The following CDH23 variants were observed in gnomAD, a reference collection of about 807,000 sequenced individuals.
CDH23 encodes cadherin-23.
Under a neutral mutation model 317.1 loss-of-function variants are expected in CDH23, and 189 were observed. The ratio of observed to expected loss-of-function variants is 0.60; its 90% CI spans 0.53 to 0.67. CDH23 has a LOEUF of 0.67. Among genes scored for constraint, CDH23 ranks in the 30% least tolerant of loss-of-function variants. CDH23 has a pLI of 0.00. For synonymous variants in CDH23, 1,839 were observed against 1,876.8 expected (o/e 0.98, Z 0.52); for missense variants, 4,401 against 4,592.4 (o/e 0.96, Z 1.20).
At chr10:71,660,682 C>A (rs149535876) in intron 14 of CDH23, among the ~76,000 whole-genome samples, 14 of 150,790 alleles carry the variant, frequency 9.3e-5, no homozygotes, top group African/African-American at 3.5e-4. Context: ...AGCCAGGTAG[C>A]ATTGTGTCCA....
chr10:71,634,234 G>A (rs1162763269), intron 11 of CDH23, among the ~76,000 whole-genome samples: 1 of 152,212 alleles, frequency 6.6e-6, no homozygotes, highest in Non-Finnish European at 1.5e-5. Context: ...TGCCCCTCAG[G>A]CCCTGTGATT....
At chr10:71,695,352 C>G in intron 21 of CDH23, 66 bp from the exon 22 acceptor site, 7 of 1,159,222 alleles carry the variant, frequency 6.0e-6, no homozygotes, top group Non-Finnish European at 7.8e-6. Flanking sequence ...CACTTTTCCC[C>G]TGGCAGGCCC....
intron 50 of CDH23, 135 bp downstream of exon 50, chr10:71,798,713 G>C: frequency 1.4e-6 from 1 of 722,838 alleles, no homozygotes; most frequent in Non-Finnish European, 2.2e-6. Flanking sequence ...TTCCATGCCA[G>C]ATTCCAGATG....
intron 3 of CDH23, among the ~76,000 whole-genome samples, chr10:71,465,925 T>C (rs912344759): frequency 6.6e-6 from 1 of 151,820 alleles, no homozygotes; most frequent in Non-Finnish European, 1.5e-5. Flanking sequence ...GTCATAATTT[T>C]TCTCCGGAGG....
At chr10:71,796,617 A>G (rs1469602823) in intron 48 of CDH23, among the ~76,000 whole-genome samples, 1 of 152,166 alleles carries the variant, frequency 6.6e-6, no homozygotes, top group Non-Finnish European at 1.5e-5. Flanking sequence ...ACATAACGAA[A>G]TTTACCATTT....
At chr10:71,755,160 A>T in intron 38 of CDH23, 1 of 664,162 alleles carries the variant, frequency 1.5e-6, no homozygotes, top group Non-Finnish European at 2.8e-6. Flanking sequence ...GCTGGTGGGC[A>T]CTTGGCCCCC....
At chr10:71,646,219 C>G (rs1862849554) in intron 13 of CDH23, among the ~76,000 whole-genome samples, 1 of 151,832 alleles carries the variant, frequency 6.6e-6, no homozygotes, top group South Asian at 2.1e-4. Context: ...CCATCAGGAG[C>G]CTCTGCAACC....
chr10:71,784,168 C>G, intron 41 of CDH23, 119 bp from the exon 42 acceptor site: 2 of 1,090,796 alleles, frequency 1.8e-6, no homozygotes, highest in African/African-American at 1.6e-5. Flanking sequence ...AGGACCCGGG[C>G]CCCAGCTGTC....
In CDH23 at chr10:71,705,121, A is replaced by G; in HGVS notation, c.2944A>G (p.Thr982Ala). The G allele has an allele frequency of 1.2e-6, 2 of 1,609,226 alleles. No homozygotes were observed. ...CACCAAGAGCTCCACCAGCACGCTC[A>G]CCATCCATGGTGAGGGGGCGCAGGG... ...TPTKSSTSTL[T>A]IHVLDVNDET... The change falls in exon 25 of 70, where the codon ACC becomes GCC. Residue 982 changes from threonine to alanine, a missense_variant. By Grantham distance (58) the Thr-to-Ala change is moderately conservative. This residue lies in a region of CDH23 where 3,068 missense variants were observed against 3,203.3 expected (regional missense o/e 0.96). Transcript: ENST00000224721.
chr10:71,516,014 C>G (rs1486334227), intron 6 of CDH23, among the ~76,000 whole-genome samples: 1 of 152,190 alleles, frequency 6.6e-6, no homozygotes, highest in Non-Finnish European at 1.5e-5. Context: ...ACTATGGTGT[C>G]TATGAATATC....
At chr10:71,470,682 G>A (rs1399400739) in intron 3 of CDH23, among the ~76,000 whole-genome samples, 1 of 152,034 alleles carries the variant, frequency 6.6e-6, no homozygotes, top group Non-Finnish European at 1.5e-5. Flanking sequence ...AGAGATGGGT[G>A]GGGTCTTGCT....
intron 38 of CDH23, among the ~76,000 whole-genome samples, chr10:71,776,217 C>T (rs978014853): frequency 1.4e-4 from 21 of 152,212 alleles, no homozygotes; most frequent in African/African-American, 4.6e-4. Flanking sequence ...ATGCCCTCCA[C>T]CCCCAAGATC....
intron 7 of CDH23, 31 bp from the exon 8 acceptor site, chr10:71,570,759 C>G: frequency 6.3e-7 from 1 of 1,579,622 alleles, no homozygotes; most frequent in Non-Finnish European, 8.6e-7. Flanking sequence ...ATCACTCAAC[C>G]TAAGGCTGTG....
At chr10:71,399,539 A>G (rs1395858800) in intron 1 of CDH23, among the ~76,000 whole-genome samples, 1 of 152,192 alleles carries the variant, frequency 6.6e-6, no homozygotes, top group African/African-American at 2.4e-5. Context: ...CTAATGCCAC[A>G]AGAGTGTTTG....
At chr10:71,437,878 C>T (rs1849687833) in intron 1 of CDH23, among the ~76,000 whole-genome samples, 1 of 152,174 alleles carries the variant, frequency 6.6e-6, no homozygotes, top group African/African-American at 2.4e-5. Context: ...CCATCATCCC[C>T]ACCCACCCAG....
chr10:71,741,275 G>T (rs954253361), intron 37 of CDH23, among the ~76,000 whole-genome samples: 6 of 152,208 alleles, frequency 3.9e-5, no homozygotes, highest in African/African-American at 1.4e-4. Context: ...ACTCCAATCT[G>T]CCCTGGCATT....
intron 6 of CDH23, among the ~76,000 whole-genome samples, chr10:71,560,015 C>T (rs1054772852): frequency 1.3e-5 from 2 of 152,190 alleles, no homozygotes; most frequent in African/African-American, 4.8e-5. Flanking sequence ...CTGTGTGGAC[C>T]TCGTCCTCCT....
At chr10:71,763,460 T>C (rs971322908) in intron 38 of CDH23, among the ~76,000 whole-genome samples, 1 of 152,138 alleles carries the variant, frequency 6.6e-6, no homozygotes, top group African/African-American at 2.4e-5. Context: ...TGCCACATCC[T>C]CCTTCAGATG....
chr10:71,698,283 T>TAC (rs1865465088), intron 22 of CDH23, among the ~76,000 whole-genome samples: 1 of 152,216 alleles, frequency 6.6e-6, no homozygotes, highest in Admixed American at 6.5e-5. Context: ...ATAAAATGTA[T>TAC]ATATGCATAC....
Sources: gnomAD v4.1 joint callset for allele counts (sites outside exome capture counted in the v4.1 genomes callset) on GRCh38, gnomAD v4.1.1 for gene constraint, gnomAD v4.1.1 regional missense constraint, MANE v1.5 for transcripts, NCBI Gene and HGNC (gene_info 2026-07-23, HGNC 2026-07-21) for gene names.